UMAD1: variants seen among roughly 807,000 people sequenced by gnomAD.
UMAD1 encodes UBAP1-MVB12-associated (UMA) domain containing 1, also known as UBAP1-MVB12-associated (UMA)-domain containing protein 1.
UMAD1 carries 8 observed loss-of-function variants against 6.1 expected under a neutral mutation model. The ratio of observed to expected loss-of-function variants is 1.30; its 90% CI spans 0.76 to 2.35. The LOEUF (loss-of-function observed/expected upper bound fraction) is 2.35. Ranked by LOEUF, UMAD1 falls within the 30% of genes most tolerant of loss-of-function variation. The probability of loss-of-function intolerance (pLI) is 0.00; values close to 1 mark genes in which losing one functional copy is unlikely to be tolerated. For synonymous variants in UMAD1, 56 were observed against 31.4 expected (o/e 1.78, Z -2.61); for missense variants, 130 against 78.4 (o/e 1.66, Z -2.49).
intron 1 of UMAD1, among the ~76,000 whole-genome samples, chr7:7,666,101 A>C (rs547116900): frequency 4.1e-4 from 63 of 152,330 alleles, no homozygotes; most frequent in Admixed American, 7.2e-4. Context: ...CAGTGGCTGT[A>C]CCATATTACC....
At chr7:7,676,585 A>G (rs1026874460) in intron 2 of UMAD1, among the ~76,000 whole-genome samples, 1 of 152,200 alleles carries the variant, frequency 6.6e-6, no homozygotes, top group African/African-American at 2.4e-5. Flanking sequence ...GAAAAGAGAA[A>G]GTGCTGTTTT....
intron 3 of UMAD1, among the ~76,000 whole-genome samples, chr7:7,817,148 A>G (rs1174428078): frequency 1.3e-5 from 2 of 152,168 alleles, no homozygotes; most frequent in Non-Finnish European, 2.9e-5. Context: ...ACTTTATCCC[A>G]TACGTCTTGT....
Position 7,877,355 on chromosome 7 carries a change from G to GAAC in UMAD1, c.233_235dup (p.Asn78dup). ...AAAATAAGGCAGGCCAGACTCTGGA[G>GAAC]AACAGCTCATTAATGGCCGAGCTCC... On this transcript the variant is annotated inframe_insertion, in exon 4 of 4. Transcript: ENST00000682710. 1.4e-6 allele frequency: 1 copy of GAAC among 717,530 alleles called. No homozygotes were observed. Among genetic ancestry groups the GAAC allele is most frequent in the Non-Finnish European group, 2.6e-6 (1 of 385,102 alleles). 44.4% of individuals were successfully genotyped at this position (717,530 alleles called of 1,614,324 possible). A position where few individuals can be genotyped will look rare whatever the true frequency, so the allele number is the denominator to read the frequency against.
chr7:7,748,286 T>C (rs1487240453), intron 2 of UMAD1, among the ~76,000 whole-genome samples: 1 of 152,032 alleles, frequency 6.6e-6, no homozygotes, highest in African/African-American at 2.4e-5. Flanking sequence ...ATTATTTACT[T>C]TTTGTTATGT....
In UMAD1 at chr7:7,877,937, A is replaced by G. The variant is rs1477433964; in HGVS notation, c.*399A>G. ...GAAGTCTCCTCTCTGGTTTGTAGGA[A>G]GTTGAATTGGTGTTATTCCTGCATT... On this transcript the variant is annotated 3_prime_UTR_variant, in exon 4 of 4. Transcript: ENST00000682710. The G allele has an allele frequency of 5.9e-6, 1 of 168,138 alleles. No individual in the cohort carries two copies. Among genetic ancestry groups the G allele is most frequent in the Non-Finnish European group, 1.3e-5 (1 of 78,082 alleles). 10.4% of individuals were successfully genotyped at this position (168,138 alleles called of 1,614,324 possible).
At chr7:7,777,574 A>AGTATATATATATATATATATATATATAT (rs1782238902) in intron 2 of UMAD1, among the ~76,000 whole-genome samples, 1 of 113,558 alleles carries the variant, frequency 8.8e-6, no homozygotes, top group Non-Finnish European at 1.7e-5. Flanking sequence ...TACATGAGCA[A>AGTATATATATATATATATATATATATAT]ATATATATAT....
At chr7:7,741,696 CAACAATAA>C (rs1412304142) in intron 2 of UMAD1, among the ~76,000 whole-genome samples, 1 of 151,332 alleles carries the variant, frequency 6.6e-6, no homozygotes, top group Non-Finnish European at 1.5e-5. Context: ...CTTATTGAAC[CAACAATAA>C]CTTAAACAAA....
At chr7:7,642,452 C>T (rs893552315) in intron 1 of UMAD1, among the ~76,000 whole-genome samples, 1 of 137,892 alleles carries the variant, frequency 7.3e-6, no homozygotes, top group African/African-American at 2.8e-5. Context: ...AGCCTTGGTG[C>T]GTACCCTGTA....
intron 3 of UMAD1, among the ~76,000 whole-genome samples, chr7:7,838,215 T>C (rs1783607613): frequency 1.3e-5 from 2 of 152,172 alleles, no homozygotes; most frequent in South Asian, 2.1e-4. Flanking sequence ...CTGTTTTGTG[T>C]ATTCCTCTTT....
At chr7:7,705,466 A>C (rs1462703970) in intron 2 of UMAD1, among the ~76,000 whole-genome samples, 1 of 152,224 alleles carries the variant, frequency 6.6e-6, no homozygotes, top group Non-Finnish European at 1.5e-5. Flanking sequence ...ACTGCTCTGT[A>C]CAGCCTGCAC....
intron 2 of UMAD1, among the ~76,000 whole-genome samples, chr7:7,778,226 T>TTG (rs61647575): frequency 0.014 from 1,821 of 126,310 alleles, 30 homozygotes; most frequent in South Asian, 0.018. Flanking sequence ...AAAACTGGTT[T>TTG]TGTGTGTGTG....
At chr7:7,842,784 T>A (rs1783708026) in intron 3 of UMAD1, among the ~76,000 whole-genome samples, 1 of 152,158 alleles carries the variant, frequency 6.6e-6, no homozygotes, top group Admixed American at 6.5e-5. Context: ...AAAATTCTTT[T>A]TCACCCCATT....
At chr7:7,741,399 A>G (rs1482392061) in intron 2 of UMAD1, among the ~76,000 whole-genome samples, 1 of 151,656 alleles carries the variant, frequency 6.6e-6, no homozygotes, top group Admixed American at 6.6e-5. Flanking sequence ...GTGAAACCCC[A>G]TCTCTACTGA....
chr7:7,779,192 C>A (rs1782290980), intron 2 of UMAD1, among the ~76,000 whole-genome samples: 1 of 152,056 alleles, frequency 6.6e-6, no homozygotes, highest in Non-Finnish European at 1.5e-5. Context: ...TCCTCTGGCT[C>A]AAATTTTTAA....
chr7:7,677,826 A>G (rs1691810029), intron 2 of UMAD1, among the ~76,000 whole-genome samples: 1 of 150,706 alleles, frequency 6.6e-6, no homozygotes, highest in South Asian at 2.1e-4. Flanking sequence ...GGCGCCCGCC[A>G]CTACGCCCGG....
rs1380840376 is a variant in UMAD1 at position 7,878,333 on chromosome 7, C to T, written c.*795C>T. ...TGAAGAGATCCACATTTCCTTTCAA[C>T]CCCTCTGCCTCCTGAAGAAAAACAT... On this transcript the variant is annotated 3_prime_UTR_variant, in exon 4 of 4. Coordinates refer to ENST00000682710, the MANE Select transcript of UMAD1 (RefSeq NM_001302348.2). The T allele has an allele frequency of 6.6e-5, 10 of 152,232 alleles. No individual in the cohort carries two copies. The highest frequency in any genetic ancestry group is 2.4e-4 in the African/African-American group (10 of 41,456). The allele number at this position is 152,232 out of a possible 1,614,324, so 9.4% of individuals were successfully genotyped here. A position where few individuals can be genotyped will look rare whatever the true frequency, so the allele number is the denominator to read the frequency against.
At chr7:7,792,919 G>A (rs1223008268) in intron 2 of UMAD1, among the ~76,000 whole-genome samples, 1 of 152,010 alleles carries the variant, frequency 6.6e-6, no homozygotes, top group Non-Finnish European at 1.5e-5. Flanking sequence ...CCCTTCTAAG[G>A]GCACTAATCA....
chr7:7,795,998 A>G (rs983757744), intron 2 of UMAD1, among the ~76,000 whole-genome samples: 3 of 152,120 alleles, frequency 2.0e-5, no homozygotes, highest in African/African-American at 7.2e-5. Context: ...TATTCAAGAT[A>G]GAGTCACTGG....
chr7:7,863,045 A>T (rs1035266902), intron 3 of UMAD1, among the ~76,000 whole-genome samples: 2 of 152,028 alleles, frequency 1.3e-5, no homozygotes, highest in African/African-American at 4.8e-5. Flanking sequence ...AGCTTGGCCA[A>T]GTTGGATTAC....
Sources: gnomAD v4.1 joint callset for allele counts (sites outside exome capture counted in the v4.1 genomes callset) on GRCh38, gnomAD v4.1.1 for gene constraint, MANE v1.5 for transcripts, NCBI Gene and HGNC (gene_info 2026-07-23, HGNC 2026-07-21) for gene names.